Variants in BLOC1S5 observed in about 807,000 individuals in gnomAD.
The protein encoded by BLOC1S5 is biogenesis of lysosome-related organelles complex 1 subunit 5.
Under a neutral mutation model 24.3 loss-of-function variants are expected in BLOC1S5, and 27 were observed. That is an observed-to-expected ratio of 1.11 (90% CI 0.82 to 1.53). The LOEUF (loss-of-function observed/expected upper bound fraction) is 1.53, where lower values mean the gene tolerates loss of function less well. Ranked by LOEUF, BLOC1S5 falls within the 40% of genes most tolerant of loss-of-function variation. The pLI, the probability that BLOC1S5 is intolerant of heterozygous loss-of-function variation, is 0.00. For synonymous variants in BLOC1S5, 84 were observed against 74.5 expected, an observed-to-expected ratio of 1.13 and a Z score of -0.66; for missense variants, 239 against 229.4, an observed-to-expected ratio of 1.04 and a Z score of -0.27.
intron 4 of BLOC1S5, among the ~76,000 whole-genome samples, chr6:8,016,089 G>A (rs13213636): frequency 0.12 from 18,932 of 152,238 alleles, 1,485 homozygotes; most frequent in South Asian, 0.28. Flanking sequence ...ATTCTGGGAG[G>A]CCGAAGCCGG....
At chr6:8,054,519 A>G (rs1263173412) in intron 2 of BLOC1S5, 2 of 207,588 alleles carry the variant, frequency 9.6e-6, no homozygotes, top group East Asian at 3.0e-4. Context: ...TCCTTGCATG[A>G]CCTAATAGTG....
intron 2 of BLOC1S5, among the ~76,000 whole-genome samples, chr6:8,055,041 T>C (rs1488350748): frequency 6.6e-6 from 1 of 152,246 alleles, no homozygotes; most frequent in Non-Finnish European, 1.5e-5. Flanking sequence ...TTTTTGCTAA[T>C]TATTTTACCT....
Position 8,015,575 on chromosome 6 carries a change from G to C in BLOC1S5, c.*74C>G. On this transcript the variant is annotated 3_prime_UTR_variant, in exon 5 of 5. Transcript: ENST00000397457. ...GCTAAGCTTGAAGCAGAGGCTAAAC[G>C]GTCTGGTGGGAATAGTTTTCAGGAG... is the stretch of plus-strand genomic sequence containing the variant. The C allele has an allele frequency of 1.4e-6, 2 of 1,435,020 alleles. No individual in the cohort carries two copies. The highest frequency in any genetic ancestry group is 1.9e-6 in the Non-Finnish European group (2 of 1,050,724). The allele number at this position is 1,435,020 out of a possible 1,614,324, so 88.9% of individuals were successfully genotyped here. A position where few individuals can be genotyped will look rare whatever the true frequency, so the allele number is the denominator to read the frequency against.
chr6:8,045,340 G>C (rs1211975563), intron 2 of BLOC1S5, among the ~76,000 whole-genome samples: 1 of 152,200 alleles, frequency 6.6e-6, no homozygotes, highest in Non-Finnish European at 1.5e-5. Context: ...GAAATGCCTG[G>C]GTGTCCAGGC....
At chr6:8,063,212 A>G (rs1046047481) in intron 1 of BLOC1S5, among the ~76,000 whole-genome samples, 1 of 152,182 alleles carries the variant, frequency 6.6e-6, no homozygotes, top group African/African-American at 2.4e-5. Flanking sequence ...GATAGTGGCT[A>G]CCTTGAGACG....
chr6:8,041,311 C>CTTTTT, intron 2 of BLOC1S5, 43 bp from the exon 3 acceptor site: 4 of 771,476 alleles, frequency 5.2e-6, no homozygotes, highest in Non-Finnish European at 6.7e-6. Flanking sequence ...GGTGTCTTTT[C>CTTTTT]CTTTTTTTTT....
chr6:8,031,346 A>G (rs966070082), intron 3 of BLOC1S5, among the ~76,000 whole-genome samples: 10 of 152,226 alleles, frequency 6.6e-5, no homozygotes, highest in African/African-American at 2.4e-4. Flanking sequence ...AACCAAGCTG[A>G]GAATCAAATT....
chr6:8,020,009 GCA>G (rs1313695188), intron 4 of BLOC1S5, among the ~76,000 whole-genome samples: 2 of 152,204 alleles, frequency 1.3e-5, no homozygotes, highest in East Asian at 1.9e-4. Context: ...CAGAAACATA[GCA>G]CAGTGTCTCT....
intron 4 of BLOC1S5, among the ~76,000 whole-genome samples, chr6:8,016,208 T>C (rs11243220): frequency 0.16 from 23,725 of 151,796 alleles, 1,925 homozygotes; most frequent in Admixed American, 0.19. Flanking sequence ...TGGCTGTAGT[T>C]CCAGCTACTC....
intron 4 of BLOC1S5, among the ~76,000 whole-genome samples, chr6:8,025,601 G>C (rs1024171202): frequency 3.9e-5 from 6 of 152,168 alleles, no homozygotes; most frequent in Non-Finnish European, 8.8e-5. Context: ...GAAACTCTGA[G>C]AAGGTTCATT....
chr6:8,063,762 CA>C (rs1434802807), intron 1 of BLOC1S5, among the ~76,000 whole-genome samples: 1 of 152,176 alleles, frequency 6.6e-6, no homozygotes, highest in Non-Finnish European at 1.5e-5. Context: ...TCAAAGCACA[CA>C]GAACACATGG....
At chr6:8,028,470 T>C (rs776853576) in intron 3 of BLOC1S5, among the ~76,000 whole-genome samples, 3 of 152,204 alleles carry the variant, frequency 2.0e-5, no homozygotes, top group Admixed American at 6.5e-5. Flanking sequence ...GCGTTGTTTT[T>C]TTCCCCCACT....
chr6:8,018,693 C>A (rs1762820376), intron 4 of BLOC1S5, among the ~76,000 whole-genome samples: 1 of 152,264 alleles, frequency 6.6e-6, no homozygotes, highest in Admixed American at 6.5e-5. Flanking sequence ...TTTATAAAGA[C>A]TACAGGTAGA....
intron 4 of BLOC1S5, among the ~76,000 whole-genome samples, chr6:8,017,193 A>C (rs1762772369): frequency 6.6e-6 from 1 of 152,222 alleles, no homozygotes; most frequent in African/African-American, 2.4e-5. Context: ...CAACTATTCT[A>C]CATGTATGTC....
rs1581437630 is a variant in BLOC1S5 at position 8,058,927 on chromosome 6, A to G, written c.195+3607T>C. ...CCTTACTGATATACATAGGTATTCA[A>G]TAACTGTTCCATAAAGCATTGCATG... is the stretch of plus-strand genomic sequence containing the variant. On this transcript the variant is annotated intron_variant, in intron 2 of 4. Transcript: ENST00000397457. 2.0e-5 allele frequency among the ~76,000 whole-genome samples: 3 copies of G among 152,374 alleles called. No homozygotes were observed. In the East Asian group the frequency reaches 5.8e-4, roughly 29 times the overall value.
chr6:8,044,120 A>AT (rs768403586), intron 2 of BLOC1S5, among the ~76,000 whole-genome samples: 14 of 151,896 alleles, frequency 9.2e-5, no homozygotes, highest in South Asian at 2.1e-4. Flanking sequence ...CATCTCTACT[A>AT]AAGATACAAA....
intron 2 of BLOC1S5, among the ~76,000 whole-genome samples, chr6:8,060,008 G>A (rs1478128397): frequency 2.0e-5 from 3 of 152,156 alleles, no homozygotes; most frequent in African/African-American, 7.2e-5. Context: ...CATTTTGTTT[G>A]ACTTTATATA....
chr6:8,033,871 T>G (rs1763388405), intron 3 of BLOC1S5, among the ~76,000 whole-genome samples: 2 of 152,076 alleles, frequency 1.3e-5, no homozygotes, highest in African/African-American at 4.8e-5. Flanking sequence ...AACAGACACA[T>G]GAAAAAATGC....
chr6:8,053,701 C>T (rs1050481618), intron 2 of BLOC1S5, among the ~76,000 whole-genome samples: 1 of 152,068 alleles, frequency 6.6e-6, no homozygotes, highest in Non-Finnish European at 1.5e-5. Flanking sequence ...CTGAAATATA[C>T]CAATATATTG....
Sources: allele counts gnomAD v4.1 joint callset (sites outside exome capture counted in the v4.1 genomes callset), GRCh38; gene constraint gnomAD v4.1.1; transcripts MANE v1.5; gene names NCBI Gene and HGNC (gene_info 2026-07-23, HGNC 2026-07-21).